Variants in FRAS1 observed in about 807,000 individuals in gnomAD.
The protein encoded by FRAS1 is extracellular matrix organizing protein FRAS1.
Under a neutral mutation model 435.2 loss-of-function variants are expected in FRAS1, and 290 were observed. The ratio of observed to expected loss-of-function variants is 0.67; its 90% CI spans 0.61 to 0.73. FRAS1 has a LOEUF of 0.73. FRAS1 is among the 30% of genes least tolerant of loss of function. The pLI is 0.00. For synonymous variants in FRAS1, 1,800 were observed against 1,851.0 expected (o/e 0.97, Z 0.71); for missense variants, 4,860 against 5,001.5 (o/e 0.97, Z 0.85).
chr4:78,403,754 G>A (rs552780085), intron 30 of FRAS1, among the ~76,000 whole-genome samples: 2 of 152,210 alleles, frequency 1.3e-5, no homozygotes, highest in South Asian at 2.1e-4. Context: ...TGAAATTATC[G>A]TTAATTGAAA....
intron 2 of FRAS1, among the ~76,000 whole-genome samples, chr4:78,165,096 CT>C (rs939318673): frequency 6.6e-6 from 1 of 152,148 alleles, no homozygotes; most frequent in Non-Finnish European, 1.5e-5. Context: ...CAGTCCCGCA[CT>C]TTTTTTCAAA....
In FRAS1 at chr4:78,534,604, C is replaced by G; in HGVS notation, c.11081C>G (p.Ala3694Gly). 2.5e-6 allele frequency: 4 copies of G among 1,612,662 alleles called. No individual in the cohort carries two copies. The highest frequency in any genetic ancestry group is 3.4e-6 in the Non-Finnish European group (4 of 1,179,136). Reference protein sequence around the residue: ...MSLAEMDYKGAFSKGQILYGR... With the variant: ...MSLAEMDYKGGFSKGQILYGR... ...CTAGCAGAAATGGATTACAAAGGAG[C>G]CTTTTCAAAAGGTGAGTTGCTTCCT... Residue 3694 changes from alanine (A) to glycine (G), a missense_variant, in exon 71 of 74, where the codon GCC (alanine) becomes GGC (glycine). Transcript: ENST00000512123.
chr4:78,446,575 C>A, intron 42 of FRAS1, 152 bp from the exon 43 acceptor site: 1 of 1,390,134 alleles, frequency 7.2e-7, no homozygotes, highest in South Asian at 1.8e-5. Context: ...TCTTTTCAAA[C>A]TAACTATTTT....
chr4:78,231,931 C>A lies in FRAS1; in HGVS notation c.109-5579C>A, dbSNP rs1472966889. ...CTTTTTAGGCTTGTCATAATCTAAT[C>A]CTTTAATCTATTTTCTAGTGAAAAG... On this transcript the variant is annotated intron_variant, in intron 2 of 73. Transcript: ENST00000512123. Among the ~76,000 whole-genome samples, 5 of 152,136 alleles carry A rather than the reference C, an allele frequency of 3.3e-5. No individual in the cohort carries two copies. In the South Asian group the frequency reaches 1.0e-3, roughly 32 times the overall value.
chr4:78,361,235 A>G (rs1188336960), intron 20 of FRAS1, among the ~76,000 whole-genome samples: 2 of 152,234 alleles, frequency 1.3e-5, no homozygotes, highest in Non-Finnish European at 2.9e-5. Flanking sequence ...AGGAAGGCAT[A>G]GGGAAGAGAG....
intron 2 of FRAS1, among the ~76,000 whole-genome samples, chr4:78,228,182 T>TC (rs1177323725): frequency 6.6e-6 from 1 of 152,174 alleles, no homozygotes; most frequent in Non-Finnish European, 1.5e-5. Context: ...TTTACTTTTT[T>TC]CCCCCATTTC....
intron 2 of FRAS1, among the ~76,000 whole-genome samples, chr4:78,215,207 AT>A (rs1723708147): frequency 6.6e-6 from 1 of 151,654 alleles, no homozygotes; most frequent in South Asian, 2.1e-4. Context: ...TATTATTATT[AT>A]TATTTTGAGA....
At chr4:78,188,226 A>T (rs1471510778) in intron 2 of FRAS1, among the ~76,000 whole-genome samples, 2 of 152,162 alleles carry the variant, frequency 1.3e-5, no homozygotes, top group African/African-American at 4.8e-5. Context: ...AAGGTGTCTT[A>T]TCAGCCAGGG....
chr4:78,064,944 G>T (rs1315641298), intron 1 of FRAS1, among the ~76,000 whole-genome samples: 2 of 151,480 alleles, frequency 1.3e-5, no homozygotes, highest in Non-Finnish European at 2.9e-5. Context: ...GAGAGAGTAG[G>T]TGACAGCACA....
At chr4:78,528,333 A>G (rs994055954) in intron 70 of FRAS1, among the ~76,000 whole-genome samples, 5 of 152,200 alleles carry the variant, frequency 3.3e-5, no homozygotes, top group Non-Finnish European at 7.3e-5. Context: ...CTTGTGAAAC[A>G]TCACCACAGT....
At chr4:78,225,724 C>G (rs1024772814) in intron 2 of FRAS1, among the ~76,000 whole-genome samples, 1 of 152,094 alleles carries the variant, frequency 6.6e-6, no homozygotes, top group Non-Finnish European at 1.5e-5. Context: ...AATTTACAGT[C>G]TAAAATTCTA....
intron 2 of FRAS1, among the ~76,000 whole-genome samples, chr4:78,087,156 A>G (rs144696251): frequency 1.8e-4 from 28 of 152,230 alleles, no homozygotes; most frequent in Non-Finnish European, 4.4e-5. Context: ...GCATATAAAC[A>G]GAACCAAAGA....
In FRAS1 at chr4:78,387,373, A is replaced by C; in HGVS notation, c.3649-2A>C. ...TGACTCTTCTTCCCTTCAACTCCAC[A>C]GGCCCCCTATGTGCTGAGAAATGAA... On this transcript the variant is annotated splice_acceptor_variant, in intron 28 of 73. Transcript: ENST00000512123. LOFTEE classifies it high-confidence loss of function. 2 of 1,594,608 alleles carry C rather than the reference A, an allele frequency of 1.3e-6. No individual in the cohort carries two copies. Among genetic ancestry groups the C allele is most frequent in the Non-Finnish European group, 1.7e-6 (2 of 1,168,550 alleles).
intron 2 of FRAS1, among the ~76,000 whole-genome samples, chr4:78,175,997 G>A (rs549388160): frequency 1.5e-4 from 23 of 152,276 alleles, no homozygotes; most frequent in Admixed American, 1.3e-3. Flanking sequence ...AAATCAATTG[G>A]ATTAAGATCT....
At chr4:78,529,039 G>T (rs887671007) in intron 70 of FRAS1, among the ~76,000 whole-genome samples, 2 of 152,144 alleles carry the variant, frequency 1.3e-5, no homozygotes, top group African/African-American at 4.8e-5. Flanking sequence ...GAGATTTTTG[G>T]TGATGGTGCA....
At chr4:78,255,152 A>G in intron 5 of FRAS1, 90 bp from the exon 6 acceptor site, 2 of 1,321,438 alleles carry the variant, frequency 1.5e-6, no homozygotes, top group Middle Eastern at 2.3e-4. Flanking sequence ...TGGGCTTCTG[A>G]CCAACTGCAC....
Position 78,470,084 on chromosome 4 carries a change from A to T in FRAS1, c.7364A>T (p.Asp2455Val), listed in dbSNP as rs1560745825. The change falls in exon 51 of 74, where the codon GAT (aspartate) becomes GTT (valine). Residue 2455 changes from aspartate (D) to valine (V), a missense_variant. Asp to Val is a radical substitution (Grantham distance 152, BLOSUM62 -3). Coordinates refer to ENST00000512123, the MANE Select transcript of FRAS1 (RefSeq NM_025074.7). ...GGACTCCAGTGGCTGGAATACATGG[A>T]TGGCAAGGTAAGGCCTGTCCCTCTG... ...NLGLQWLEYMDGKATNLITKK... is the reference protein window; with the variant it reads ...NLGLQWLEYMVGKATNLITKK... 5 of 1,610,280 alleles carry T rather than the reference A, an allele frequency of 3.1e-6. No individual in the cohort carries two copies. The highest frequency in any genetic ancestry group is 4.2e-6 in the Non-Finnish European group (5 of 1,177,126).
intron 2 of FRAS1, among the ~76,000 whole-genome samples, chr4:78,218,781 G>A (rs1293341472): frequency 1.3e-5 from 2 of 152,170 alleles, no homozygotes; most frequent in Non-Finnish European, 2.9e-5. Context: ...AAACCAATTT[G>A]TTTGGGAGAT....
chr4:78,161,742 CAAAAAAA>C (rs71214399), intron 2 of FRAS1, among the ~76,000 whole-genome samples: 2 of 24,878 alleles, frequency 8.0e-5, no homozygotes, highest in African/African-American at 3.9e-4. Flanking sequence ...AACTCTGTCT[CAAAAAAA>C]AAAAAAAAAA....
Sources: gnomAD v4.1 joint callset for allele counts (sites outside exome capture counted in the v4.1 genomes callset) on GRCh38, gnomAD v4.1.1 for gene constraint, MANE v1.5 for transcripts, NCBI Gene and HGNC (gene_info 2026-07-23, HGNC 2026-07-21) for gene names.